The following TRPM1 variants were observed in gnomAD, a reference collection of about 807,000 sequenced individuals.
The protein encoded by TRPM1 is transient receptor potential cation channel subfamily M member 1, also known as TRPM1-203 APA Isoform, Intron 10.
TRPM1 carries 113 observed loss-of-function variants against 149.4 expected under a neutral mutation model. That is an observed-to-expected ratio of 0.76 (90% CI 0.65 to 0.88). The LOEUF (loss-of-function observed/expected upper bound fraction) is 0.88, where lower values mean the gene tolerates loss of function less well. TRPM1 is among the 40% of genes least tolerant of loss of function. The probability of loss-of-function intolerance (pLI) is 0.00; values close to 1 mark genes in which losing one functional copy is unlikely to be tolerated. For synonymous variants in TRPM1, 741 were observed against 759.5 expected (o/e 0.98, Z 0.40); for missense variants, 1,976 against 2,038.7 (o/e 0.97, Z 0.59).
At chr15:31,107,764 T>A (rs910147260) in intron 1 of TRPM1, among the ~76,000 whole-genome samples, 1 of 152,092 alleles carries the variant, frequency 6.6e-6, no homozygotes, top group Non-Finnish European at 1.5e-5. Context: ...TCTTAAGATA[T>A]TTTATAACTT....
upstream of TRPM1, among the ~76,000 whole-genome samples, chr15:31,104,785 T>G (rs112943435): frequency 3.4e-3 from 511 of 151,812 alleles, no homozygotes; most frequent in South Asian, 8.0e-3. Flanking sequence ...TAATAGAGAC[T>G]GGGTTTCACC....
chr15:31,094,501 G>T (rs970099260), intron 1 of TRPM1, among the ~76,000 whole-genome samples: 1 of 152,078 alleles, frequency 6.6e-6, no homozygotes, highest in Non-Finnish European at 1.5e-5. Context: ...ATATATAAAA[G>T]AACTCTTCCA....
intron 1 of TRPM1, among the ~76,000 whole-genome samples, chr15:31,130,882 C>T (rs542009986): frequency 5.2e-4 from 79 of 152,286 alleles, no homozygotes; most frequent in Middle Eastern, 3.4e-3. Flanking sequence ...ATAAAACTCC[C>T]ATCTCCCGTA....
intron 1 of TRPM1, among the ~76,000 whole-genome samples, chr15:31,120,092 T>C (rs2035856070): frequency 6.6e-6 from 1 of 152,160 alleles, no homozygotes. Flanking sequence ...GACCCAACTA[T>C]GTTGTTCACT....
Position 31,050,420 on chromosome 15 carries a change from G to T in TRPM1, c.1426C>A (p.Leu476Met). The change falls in exon 12 of 28, where the codon CTG becomes ATG. Residue 476 changes from leucine to methionine, a missense_variant. Transcript: ENST00000256552. ...EEETDPRKIELLNWVNALEQA... is the reference protein window; with the variant it reads ...EEETDPRKIEMLNWVNALEQA... Reference sequence around the variant, plus strand: ...GACCTTCCACATACCCAGTTCAGCAGCTCTATCTTCCGGGGGTCAGTTTCT... The same window carrying T: ...GACCTTCCACATACCCAGTTCAGCATCTCTATCTTCCGGGGGTCAGTTTCT... 6.2e-7 allele frequency: 1 copy of T among 1,614,116 alleles called. No individual in the cohort carries two copies. The highest frequency in any genetic ancestry group is 8.5e-7 in the Non-Finnish European group (1 of 1,180,014).
At chr15:31,089,832 C>T (rs1187915517) in intron 1 of TRPM1, among the ~76,000 whole-genome samples, 1 of 152,166 alleles carries the variant, frequency 6.6e-6, no homozygotes, top group Non-Finnish European at 1.5e-5. Context: ...GAAGGCACTT[C>T]TGCCTGCCCT....
At chr15:31,138,796 T>A (rs1213108749) in intron 1 of TRPM1, among the ~76,000 whole-genome samples, 1 of 152,100 alleles carries the variant, frequency 6.6e-6, no homozygotes, top group Non-Finnish European at 1.5e-5. Context: ...AGCTGACTTT[T>A]AAAAAAAATT....
intron 11 of TRPM1, among the ~76,000 whole-genome samples, 158 bp from the exon 12 acceptor site, chr15:31,050,740 A>T (rs991956399): frequency 4.6e-5 from 7 of 152,260 alleles, no homozygotes; most frequent in Middle Eastern, 6.8e-3. Context: ...ACATATGCCC[A>T]CACATATGTA....
chr15:31,146,554 T>C (rs1801588152), intron 1 of TRPM1, among the ~76,000 whole-genome samples: 2 of 152,230 alleles, frequency 1.3e-5, no homozygotes, highest in Non-Finnish European at 2.9e-5. Flanking sequence ...AACACGCCAA[T>C]TTCAGTCTTC....
chr15:31,089,427 A>G (rs1428071293), intron 1 of TRPM1, among the ~76,000 whole-genome samples: 1 of 152,230 alleles, frequency 6.6e-6, no homozygotes, highest in East Asian at 1.9e-4. Flanking sequence ...ATTTGGCTTG[A>G]TGCCTATGAC....
intron 1 of TRPM1, among the ~76,000 whole-genome samples, chr15:31,158,671 G>GAAC (rs1171801372): frequency 2.0e-5 from 3 of 147,920 alleles, no homozygotes; most frequent in Non-Finnish European, 3.0e-5. Flanking sequence ...AAGAACAGCA[G>GAAC]AACAGCTACT....
exon 1 of TRPM1, chr15:31,160,973 C>A (rs146158610): frequency 1.8e-5 from 27 of 1,535,476 alleles, no homozygotes; most frequent in African/African-American, 2.7e-5. Flanking sequence ...TCTCAGTGAG[C>A]CTGTGAGCCA....
chr15:31,087,563 A>C (rs1326407144), intron 1 of TRPM1, among the ~76,000 whole-genome samples: 4 of 151,948 alleles, frequency 2.6e-5, no homozygotes. Flanking sequence ...CTCAATAGGG[A>C]CTTTTACACT....
chr15:31,089,598 C>T (rs1382867341), intron 1 of TRPM1, among the ~76,000 whole-genome samples: 1 of 152,158 alleles, frequency 6.6e-6, no homozygotes, highest in Non-Finnish European at 1.5e-5. Context: ...TCGAGGAGGC[C>T]CAGGGTCACT....
chr15:31,026,446 C>T (rs1443585428), intron 26 of TRPM1, 175 bp from the exon 27 acceptor site: 1 of 798,006 alleles, frequency 1.3e-6, no homozygotes. Context: ...ACGCCCCAAC[C>T]CTCTATCAGT....
At chr15:31,026,460 A>G (rs969696165) in intron 26 of TRPM1, 189 bp from the exon 27 acceptor site, 2 of 720,268 alleles carry the variant, frequency 2.8e-6, no homozygotes, top group Non-Finnish European at 4.6e-6. Context: ...TATCAGTTGG[A>G]GCCAAACGGC....
At chr15:31,110,972 G>C (rs1034361265) in intron 1 of TRPM1, among the ~76,000 whole-genome samples, 1 of 144,596 alleles carries the variant, frequency 6.9e-6, no homozygotes, top group African/African-American at 2.6e-5. Context: ...GCTGGCAGAT[G>C]ATATGTGCTA....
chr15:31,101,826 C>T, upstream of TRPM1: 1 of 632,952 alleles, frequency 1.6e-6, no homozygotes, highest in Non-Finnish European at 2.0e-6. Context: ...AGCGATGGCC[C>T]CATGACCTGA....
chr15:31,026,002 G>A (rs1017854711), intron 27 of TRPM1, 137 bp downstream of exon 27: 2 of 1,309,096 alleles, frequency 1.5e-6, no homozygotes, highest in African/African-American at 2.9e-5. Context: ...TGGGAACCAC[G>A]TTAAAACCTA....
Sources: allele counts gnomAD v4.1 joint callset (sites outside exome capture counted in the v4.1 genomes callset), GRCh38; gene constraint gnomAD v4.1.1; transcripts MANE v1.5; gene names NCBI Gene and HGNC (gene_info 2026-07-23, HGNC 2026-07-21).